RYR2: variants seen among roughly 807,000 people sequenced by gnomAD.
RYR2 encodes ryanodine receptor 2.
A neutral mutation model predicts 601.1 loss-of-function variants in RYR2; 227 were observed. That is an observed-to-expected ratio of 0.38 (90% CI 0.34 to 0.42). The LOEUF is 0.42. Ranked by LOEUF, RYR2 falls within the 10% of genes least tolerant of loss-of-function variation. The probability of loss-of-function intolerance (pLI) is 1.00; values close to 1 mark genes in which losing one functional copy is unlikely to be tolerated. For missense variants in RYR2, 4,646 were observed against 6,156.5 expected (o/e 0.75, Z 8.21); for synonymous variants, 2,223 against 2,175.1 (o/e 1.02, Z -0.61).
intron 3 of RYR2, among the ~76,000 whole-genome samples, chr1:237,338,458 A>G (rs915783423): frequency 1.5e-4 from 23 of 152,218 alleles, no homozygotes; most frequent in African/African-American, 5.3e-4. Flanking sequence ...ACTTTTAACA[A>G]TAACATTAAT....
chr1:237,349,817 A>G (rs958108751), intron 3 of RYR2, among the ~76,000 whole-genome samples: 1 of 152,174 alleles, frequency 6.6e-6, no homozygotes, highest in East Asian at 1.9e-4. Flanking sequence ...TGCAATATCA[A>G]GATATTTGAT....
chr1:237,742,232 C>A, intron 79 of RYR2, 64 bp from the exon 80 acceptor site: 2 of 1,082,952 alleles, frequency 1.8e-6, no homozygotes, highest in South Asian at 3.0e-5. Context: ...GTCTAATGTT[C>A]TTTTGCACTT....
In RYR2 at chr1:237,528,383, G is replaced by A. The variant is rs190385918; in HGVS notation, c.2823-2044G>A. On this transcript the variant is annotated intron_variant, in intron 24 of 104. Coordinates refer to ENST00000366574, the MANE Select transcript of RYR2 (RefSeq NM_001035.3). ...ATGTATGGATAGGAAAAAGTATAGGGTTTGGTACTATCTGTGGGGTTCAGG... is the reference window on the plus strand; with the variant it reads ...ATGTATGGATAGGAAAAAGTATAGGATTTGGTACTATCTGTGGGGTTCAGG... Among the ~76,000 whole-genome samples, 117 of 152,238 alleles carry A rather than the reference G, an allele frequency of 7.7e-4. 1 individual carries two copies. The highest frequency in any genetic ancestry group is 2.6e-3 in the African/African-American group (108 of 41,554).
chr1:237,075,334 C>A lies in RYR2; in HGVS notation c.48+32765C>A, dbSNP rs557662490. On this transcript the variant is annotated intron_variant, in intron 1 of 104. Coordinates refer to ENST00000366574, the MANE Select transcript of RYR2 (RefSeq NM_001035.3). ...CTCCCAGCGTGAGCGACGCAGAAGA[C>A]GGGTGATTTCTGCATTTCCATCTGA... 2.0e-5 allele frequency among the ~76,000 whole-genome samples: 3 copies of A among 151,270 alleles called. No homozygotes were observed. In the East Asian group the frequency reaches 5.9e-4, roughly 30 times the overall value.
intron 1 of RYR2, among the ~76,000 whole-genome samples, chr1:237,267,146 G>A (rs544915216): frequency 1.3e-5 from 2 of 152,202 alleles, no homozygotes; most frequent in Admixed American, 6.5e-5. Context: ...TGTCCAAAGT[G>A]CACAGGCTTA....
At chr1:237,750,036 C>T (rs767105723) in intron 80 of RYR2, among the ~76,000 whole-genome samples, 60 of 152,188 alleles carry the variant, frequency 3.9e-4, no homozygotes, top group Non-Finnish European at 4.0e-4. Flanking sequence ...ATCCCAGCTA[C>T]TCGGGAGGCC....
intron 53 of RYR2, 143 bp downstream of exon 53, chr1:237,656,127 A>G (rs1683217957): frequency 8.2e-6 from 5 of 612,930 alleles, no homozygotes; most frequent in Non-Finnish European, 5.5e-6. Context: ...TTTAATTTAT[A>G]AAACGATAGT....
chr1:237,064,939 G>A (rs892788999), intron 1 of RYR2, among the ~76,000 whole-genome samples: 10 of 151,870 alleles, frequency 6.6e-5, no homozygotes, highest in South Asian at 2.1e-4. Context: ...CAGTACCAGC[G>A]TCTCTATCAT....
chr1:237,075,586 A>C (rs1572547142), intron 1 of RYR2, among the ~76,000 whole-genome samples: 1 of 53,470 alleles, frequency 1.9e-5, no homozygotes, highest in Non-Finnish European at 4.0e-5. Context: ...GAAACGGCGC[A>C]CCACGAGACT....
chr1:237,156,555 G>A (rs1383535257), intron 1 of RYR2, among the ~76,000 whole-genome samples: 1 of 152,180 alleles, frequency 6.6e-6, no homozygotes, highest in Non-Finnish European at 1.5e-5. Context: ...TATTCTTAGG[G>A]ATACAAATTG....
chr1:237,257,954 A>G (rs970593318), intron 1 of RYR2, among the ~76,000 whole-genome samples: 1 of 152,058 alleles, frequency 6.6e-6, no homozygotes, highest in Non-Finnish European at 1.5e-5. Context: ...ACCTGAGGTC[A>G]AGAGTTCGAG....
intron 3 of RYR2, among the ~76,000 whole-genome samples, chr1:237,355,447 T>G (rs1351522093): frequency 6.6e-6 from 1 of 152,134 alleles, no homozygotes; most frequent in Non-Finnish European, 1.5e-5. Flanking sequence ...ATAATTTGAT[T>G]CCCACATAAC....
Position 237,369,625 on chromosome 1 carries a change from T to C in RYR2, c.384+17T>C. The C allele has an allele frequency of 6.4e-7, 1 of 1,552,592 alleles. No individual in the cohort carries two copies. Among genetic ancestry groups the C allele is most frequent in the Non-Finnish European group, 8.7e-7 (1 of 1,146,044 alleles). On this transcript the variant is annotated intron_variant, in intron 6 of 104. Transcript: ENST00000366574. ...AGTGGCATGGTGAGTAGGCATTTGA[T>C]TTCATCTCCCTGTGGTCATGCTGAT...
At chr1:237,436,521 GT>G (rs756517270) in intron 12 of RYR2, among the ~76,000 whole-genome samples, 2 of 127,286 alleles carry the variant, frequency 1.6e-5, no homozygotes, top group South Asian at 5.0e-4. Flanking sequence ...GGCCTGGCCT[GT>G]CAGTACCAGT....
At chr1:237,313,794 G>T (rs904616793) in intron 2 of RYR2, among the ~76,000 whole-genome samples, 5 of 151,846 alleles carry the variant, frequency 3.3e-5, no homozygotes, top group Admixed American at 6.6e-5. Flanking sequence ...CTTTTGCTAG[G>T]GGTTACTGAA....
At chr1:237,588,755 C>A (rs1009632058) in intron 29 of RYR2, among the ~76,000 whole-genome samples, 2 of 152,030 alleles carry the variant, frequency 1.3e-5, no homozygotes, top group African/African-American at 4.8e-5. Context: ...ATCACTTGAA[C>A]TTGGGAGGCG....
chr1:237,612,458 CAA>C (rs1048381480), intron 36 of RYR2, among the ~76,000 whole-genome samples: 6 of 152,042 alleles, frequency 3.9e-5, no homozygotes, highest in African/African-American at 1.2e-4. Context: ...TATTTTAAAA[CAA>C]AAGAAAATCA....
At chr1:237,174,005 C>T (rs150249852) in intron 1 of RYR2, among the ~76,000 whole-genome samples, 16 of 151,822 alleles carry the variant, frequency 1.1e-4, no homozygotes, top group East Asian at 1.9e-4. Flanking sequence ...TGCAGTGAGC[C>T]GAGATCTTGC....
At chr1:237,517,665 C>T (rs909812730) in intron 24 of RYR2, among the ~76,000 whole-genome samples, 1 of 151,920 alleles carries the variant, frequency 6.6e-6, no homozygotes, top group African/African-American at 2.4e-5. Context: ...TTTTTTAGAG[C>T]AGATTTAGGT....
Sources: allele counts gnomAD v4.1 joint callset (sites outside exome capture counted in the v4.1 genomes callset), GRCh38; gene constraint gnomAD v4.1.1; transcripts MANE v1.5; gene names NCBI Gene and HGNC (gene_info 2026-07-23, HGNC 2026-07-21).